The following TIAM1 variants were observed in gnomAD, a reference collection of about 807,000 sequenced individuals.
TIAM1 encodes TIAM Rac1 associated GEF 1, also known as rho guanine nucleotide exchange factor TIAM1.
A neutral mutation model predicts 163.5 loss-of-function variants in TIAM1; 65 were observed. The observed-to-expected ratio is 0.40, with a 90% CI of 0.33 to 0.49. The LOEUF is 0.49. Among genes scored for constraint, TIAM1 ranks in the 20% least tolerant of loss-of-function variants. The pLI is 0.77. For missense variants in TIAM1, 1,789 were observed against 2,044.7 expected, an observed-to-expected ratio of 0.87 and a Z score of 2.41; for synonymous variants, 833 against 810.1, an observed-to-expected ratio of 1.03 and a Z score of -0.48.
intron 2 of TIAM1, among the ~76,000 whole-genome samples, chr21:31,396,172 G>A (rs1279139404): frequency 1.3e-5 from 2 of 152,190 alleles, no homozygotes; most frequent in Non-Finnish European, 2.9e-5. Flanking sequence ...CTTAAGAGGA[G>A]TAGAGGGGCT....
At chr21:31,453,225 C>T (rs1470420213) in intron 2 of TIAM1, 5 of 255,896 alleles carry the variant, frequency 2.0e-5, no homozygotes, top group African/African-American at 9.2e-5. Context: ...TCTAAATAAA[C>T]GGATTGCTTT....
chr21:31,430,223 AAAATATATATAT>A (rs1286459423), intron 2 of TIAM1, among the ~76,000 whole-genome samples: 2 of 98,032 alleles, frequency 2.0e-5, no homozygotes, highest in Admixed American at 2.3e-4. Flanking sequence ...AAAAAAAAAA[AAAATATATATAT>A]ATATATATAT....
chr21:31,237,217 G>C (rs939217813), intron 6 of TIAM1, among the ~76,000 whole-genome samples: 3 of 152,162 alleles, frequency 2.0e-5, no homozygotes, highest in Non-Finnish European at 2.9e-5. Context: ...GGGTCAAGAT[G>C]CCAAATCCCC....
At chr21:31,449,975 C>G (rs933014846) in intron 2 of TIAM1, among the ~76,000 whole-genome samples, 6 of 152,118 alleles carry the variant, frequency 3.9e-5, no homozygotes, top group African/African-American at 1.4e-4. Flanking sequence ...TTCCTTTGGG[C>G]AGCCAGGCCG....
chr21:31,311,412 G>A (rs2146990043), intron 2 of TIAM1, among the ~76,000 whole-genome samples: 1 of 152,236 alleles, frequency 6.6e-6, no homozygotes, highest in South Asian at 2.1e-4. Flanking sequence ...GCCCACCATG[G>A]GTTCCAGGGA....
At chr21:31,181,792 T>C (rs1314714401) in intron 15 of TIAM1, among the ~76,000 whole-genome samples, 3 of 94,314 alleles carry the variant, frequency 3.2e-5, no homozygotes, top group South Asian at 4.0e-4. Flanking sequence ...TTTTTTTTTT[T>C]TTTTTTTTTT....
chr21:31,214,271 G>A (rs1323836420), intron 9 of TIAM1, among the ~76,000 whole-genome samples: 1 of 151,794 alleles, frequency 6.6e-6, no homozygotes, highest in Non-Finnish European at 1.5e-5. Flanking sequence ...TTTGCAGCGA[G>A]CTGAGACCAC....
At chr21:31,121,798 C>T (rs967612150) in intron 27 of TIAM1, among the ~76,000 whole-genome samples, 3 of 152,208 alleles carry the variant, frequency 2.0e-5, no homozygotes, top group African/African-American at 4.8e-5. Flanking sequence ...ACAAAAGACA[C>T]CATCCGATCA....
At chr21:31,355,151 C>A (rs902902371) in intron 2 of TIAM1, among the ~76,000 whole-genome samples, 15 of 150,742 alleles carry the variant, frequency 1.0e-4, no homozygotes, top group Middle Eastern at 3.4e-3. Context: ...GAAACACCCA[C>A]CAGACACTGT....
chr21:31,394,270 T>A (rs1186118156), intron 2 of TIAM1, among the ~76,000 whole-genome samples: 1 of 152,170 alleles, frequency 6.6e-6, no homozygotes, highest in African/African-American at 2.4e-5. Context: ...ACACACTGTA[T>A]GACTCCAACT....
chr21:31,413,150 T>C (rs2043258184), intron 2 of TIAM1, among the ~76,000 whole-genome samples: 1 of 152,144 alleles, frequency 6.6e-6, no homozygotes, highest in East Asian at 1.9e-4. Flanking sequence ...TCTCAGATGC[T>C]TCTGTTCCTG....
chr21:31,530,637 T>G (rs895895235), intron 1 of TIAM1, among the ~76,000 whole-genome samples: 2 of 152,196 alleles, frequency 1.3e-5, no homozygotes, highest in Non-Finnish European at 2.9e-5. Flanking sequence ...GGCACACACC[T>G]GGACGCCTCC....
chr21:31,375,552 C>T (rs575875254), intron 2 of TIAM1, among the ~76,000 whole-genome samples: 1 of 79,894 alleles, frequency 1.3e-5, no homozygotes, highest in East Asian at 2.9e-4. Context: ...GAAAAATCAA[C>T]AACTTTATTT....
intron 2 of TIAM1, among the ~76,000 whole-genome samples, chr21:31,401,919 A>G (rs916918925): frequency 1.3e-5 from 2 of 151,786 alleles, no homozygotes; most frequent in African/African-American, 4.8e-5. Context: ...TCTTAAAAAA[A>G]AAAAAAAATT....
chr21:31,324,698 A>G (rs1016834475), intron 2 of TIAM1, among the ~76,000 whole-genome samples: 2 of 152,200 alleles, frequency 1.3e-5, no homozygotes, highest in African/African-American at 4.8e-5. Flanking sequence ...GATTCCATCC[A>G]CAGGGCCCCT....
intron 15 of TIAM1, among the ~76,000 whole-genome samples, chr21:31,173,507 CAAGA>C (rs911259623): frequency 1.2e-4 from 16 of 138,268 alleles, no homozygotes; most frequent in African/African-American, 2.5e-4. Context: ...AAAAACAAAG[CAAGA>C]AAGAAAGAGA....
chr21:31,183,472 C>G (rs1180981219), intron 14 of TIAM1, among the ~76,000 whole-genome samples: 1 of 152,052 alleles, frequency 6.6e-6, no homozygotes, highest in Non-Finnish European at 1.5e-5. Context: ...AGAAAAGGAG[C>G]CCAATTTCTA....
At chr21:31,133,983 G>A (rs1047236823) in intron 23 of TIAM1, among the ~76,000 whole-genome samples, 3 of 151,968 alleles carry the variant, frequency 2.0e-5, no homozygotes, top group Admixed American at 6.6e-5. Flanking sequence ...CAGGACAATC[G>A]CTTGAACCTG....
chr21:31,466,661 C>G (rs867576112), intron 1 of TIAM1, among the ~76,000 whole-genome samples: 3 of 152,196 alleles, frequency 2.0e-5, no homozygotes, highest in Non-Finnish European at 2.9e-5. Context: ...AGAGCAGAAT[C>G]CAGACGTCCT....
Sources: allele counts gnomAD v4.1 joint callset (sites outside exome capture counted in the v4.1 genomes callset), GRCh38; gene constraint gnomAD v4.1.1; transcripts MANE v1.5; gene names NCBI Gene and HGNC (gene_info 2026-07-23, HGNC 2026-07-21).